CTNNA2: variants seen among roughly 807,000 people sequenced by gnomAD.
The protein encoded by CTNNA2 is catenin alpha 2.
In CTNNA2, 42 loss-of-function variants were observed where a neutral mutation model predicts 101.0. That is an observed-to-expected ratio of 0.42 (90% CI 0.32 to 0.54). The LOEUF (loss-of-function observed/expected upper bound fraction) is 0.54, where lower values mean the gene tolerates loss of function less well. CTNNA2 is among the 20% of genes least tolerant of loss of function. The pLI is 0.14. For missense variants in CTNNA2, 871 were observed against 1,223.1 expected, an observed-to-expected ratio of 0.71 and a Z score of 4.29; for synonymous variants, 450 against 456.4, an observed-to-expected ratio of 0.99 and a Z score of 0.18.
chr2:80,018,397 T>C (rs1003027289), intron 7 of CTNNA2, among the ~76,000 whole-genome samples: 39 of 152,210 alleles, frequency 2.6e-4, no homozygotes, highest in African/African-American at 9.4e-4. Flanking sequence ...GAAGGTTGAT[T>C]TTGTGCCTTT....
At chr2:80,311,294 A>G (rs1446109) in intron 7 of CTNNA2, among the ~76,000 whole-genome samples, 16,597 of 152,216 alleles carry the variant, frequency 0.11, 1,023 homozygotes, top group East Asian at 0.28. Flanking sequence ...TGTCATCCTG[A>G]AAGATTTCAC....
At chr2:79,920,686 T>C (rs1248576559) in intron 7 of CTNNA2, among the ~76,000 whole-genome samples, 1 of 152,240 alleles carries the variant, frequency 6.6e-6, no homozygotes, top group Non-Finnish European at 1.5e-5. Context: ...TATGCTTGGC[T>C]TCTTCATGAC....
At chr2:80,449,464 G>T (rs528644789) in intron 9 of CTNNA2, among the ~76,000 whole-genome samples, 2 of 152,230 alleles carry the variant, frequency 1.3e-5, no homozygotes, top group African/African-American at 4.8e-5. Context: ...GTTGCCTCTG[G>T]CTTTCCTTGT....
chr2:79,477,343 G>A (rs1218962458), intron 4 of CTNNA2, among the ~76,000 whole-genome samples: 2 of 151,460 alleles, frequency 1.3e-5, no homozygotes, highest in African/African-American at 2.4e-5. Context: ...GCTGATTTTT[G>A]TATTTTTAGT....
intron 7 of CTNNA2, among the ~76,000 whole-genome samples, chr2:80,280,584 G>A (rs879880070): frequency 2.0e-5 from 3 of 151,936 alleles, no homozygotes; most frequent in Non-Finnish European, 2.9e-5. Flanking sequence ...ATATAGATCT[G>A]CAAAGGACTC....
chr2:79,700,392 A>T (rs1163824818), intron 2 of CTNNA2, among the ~76,000 whole-genome samples: 1 of 152,134 alleles, frequency 6.6e-6, no homozygotes, highest in Non-Finnish European at 1.5e-5. Context: ...AGAGAGACAG[A>T]TGGGACACGT....
intron 4 of CTNNA2, chr2:79,866,718 T>G (rs941937844): frequency 6.6e-6 from 1 of 152,232 alleles, no homozygotes; most frequent in African/African-American, 2.4e-5. Flanking sequence ...TTTTCCCCCA[T>G]GCAGCAAGTT....
intron 5 of CTNNA2, among the ~76,000 whole-genome samples, chr2:79,506,128 A>G (rs1391266931): frequency 6.6e-6 from 1 of 152,176 alleles, no homozygotes; most frequent in Non-Finnish European, 1.5e-5. Context: ...ACACTTTTTC[A>G]AATGAAATAC....
chr2:79,326,481 T>G (rs1185959337), intron 3 of CTNNA2, among the ~76,000 whole-genome samples: 1 of 152,124 alleles, frequency 6.6e-6, no homozygotes, highest in Non-Finnish European at 1.5e-5. Flanking sequence ...TTTAAATCTA[T>G]TTTCTTTCTC....
At chr2:80,176,645 C>A (rs540833795) in intron 7 of CTNNA2, among the ~76,000 whole-genome samples, 1 of 152,270 alleles carries the variant, frequency 6.6e-6, no homozygotes, top group East Asian at 1.9e-4. Flanking sequence ...TTATAGTTTT[C>A]CATTGACCTT....
intron 7 of CTNNA2, among the ~76,000 whole-genome samples, chr2:80,208,044 C>G (rs1206285891): frequency 6.6e-6 from 1 of 152,122 alleles, no homozygotes; most frequent in Non-Finnish European, 1.5e-5. Context: ...ATAAGTAGCT[C>G]AGAGAGAAGT....
intron 18 of CTNNA2, among the ~76,000 whole-genome samples, chr2:80,637,837 C>T (rs555424573): frequency 2.0e-4 from 30 of 152,240 alleles, no homozygotes; most frequent in African/African-American, 5.8e-4. Flanking sequence ...GCACCCAAAC[C>T]GCAGCCTTTG....
chr2:79,860,067 T>A (rs1468625215), intron 4 of CTNNA2, among the ~76,000 whole-genome samples: 3 of 152,204 alleles, frequency 2.0e-5, no homozygotes, highest in Non-Finnish European at 4.4e-5. Flanking sequence ...ATTCCTCCAG[T>A]CTGTCTCTGT....
At chr2:80,282,896 TAAATAATGGATATTAAAAG>T (rs1674494926) in intron 7 of CTNNA2, among the ~76,000 whole-genome samples, 1 of 151,936 alleles carries the variant, frequency 6.6e-6, no homozygotes, top group Non-Finnish European at 1.5e-5. Context: ...AAGTAATAGG[TAAATAATGGATATTAAAAG>T]GAGAAGATAT....
chr2:80,257,543 C>G (rs546799249), intron 7 of CTNNA2, among the ~76,000 whole-genome samples: 2 of 152,254 alleles, frequency 1.3e-5, no homozygotes, highest in East Asian at 1.9e-4. Flanking sequence ...TATTCTGTGG[C>G]CTGGGTGTAG....
chr2:79,655,301 TA>T (rs1220948417), intron 2 of CTNNA2, among the ~76,000 whole-genome samples: 1 of 152,208 alleles, frequency 6.6e-6, no homozygotes, highest in East Asian at 1.9e-4. Flanking sequence ...GTACCTGGTA[TA>T]AAACAAACAT....
At chr2:80,404,926 T>A (rs978420267) in intron 8 of CTNNA2, among the ~76,000 whole-genome samples, 3 of 152,198 alleles carry the variant, frequency 2.0e-5, no homozygotes, top group African/African-American at 7.2e-5. Context: ...AAGCCCCAGA[T>A]AAAAAATTCA....
intron 2 of CTNNA2, among the ~76,000 whole-genome samples, chr2:79,302,242 A>G (rs1676130438): frequency 6.6e-6 from 1 of 151,994 alleles, no homozygotes; most frequent in East Asian, 1.9e-4. Flanking sequence ...CACATTTCCC[A>G]TTCCTCTCTT....
chr2:80,490,516 A>G (rs954570729), intron 9 of CTNNA2, among the ~76,000 whole-genome samples: 6 of 152,094 alleles, frequency 3.9e-5, no homozygotes, highest in Non-Finnish European at 8.8e-5. Flanking sequence ...TTTTTTAACT[A>G]TTCAAAAACA....
Sources: allele counts gnomAD v4.1 joint callset (sites outside exome capture counted in the v4.1 genomes callset), GRCh38; gene constraint gnomAD v4.1.1; transcripts MANE v1.5; gene names NCBI Gene and HGNC (gene_info 2026-07-23, HGNC 2026-07-21).